The following COG5 variants were observed in gnomAD, a reference collection of about 807,000 sequenced individuals.
COG5 encodes component of oligomeric golgi complex 5, also known as conserved oligomeric Golgi complex subunit 5.
COG5 carries 86 observed loss-of-function variants against 110.4 expected under a neutral mutation model. The ratio of observed to expected loss-of-function variants is 0.78; its 90% confidence interval spans 0.65 to 0.93. The LOEUF is 0.93. Among genes scored for constraint, COG5 ranks in the 40% least tolerant of loss-of-function variants. The pLI, the probability that COG5 is intolerant of heterozygous loss-of-function variation, is 0.00. For missense variants in COG5, 1,077 were observed against 987.0 expected, an observed-to-expected ratio of 1.09 and a Z score of -1.22; for synonymous variants, 360 against 334.6, an observed-to-expected ratio of 1.08 and a Z score of -0.83.
chr7:107,474,971 G>A lies in COG5; in HGVS notation c.538+52266C>T, dbSNP rs1310445109. Reference sequence around the variant, plus strand: ...CGAGCTGTGAAACGACACCGTGAACGACGAGAAAGACAAAAGAGAGTCTTC... The same window carrying A: ...CGAGCTGTGAAACGACACCGTGAACAACGAGAAAGACAAAAGAGAGTCTTC... On this transcript the variant is annotated intron_variant, in intron 6 of 21. Coordinates refer to ENST00000297135, the MANE Select transcript of COG5 (RefSeq NM_006348.5). The surrounding 1 kb of genome is among the most constrained non-coding windows in gnomAD (Gnocchi z 5.7). 9 of 1,612,098 alleles carry A rather than the reference G, an allele frequency of 5.6e-6. No homozygotes were observed. The highest frequency in any genetic ancestry group is 6.8e-6 in the Non-Finnish European group (8 of 1,179,162).
chr7:107,352,712 A>G (rs1359873412), intron 10 of COG5, among the ~76,000 whole-genome samples: 1 of 148,460 alleles, frequency 6.7e-6, no homozygotes, highest in African/African-American at 2.5e-5. Flanking sequence ...AAAAGAAAAC[A>G]CATTATTTTT....
At chr7:107,311,243 C>T (rs921459010) in intron 11 of COG5, among the ~76,000 whole-genome samples, 1 of 152,136 alleles carries the variant, frequency 6.6e-6, no homozygotes, top group East Asian at 1.9e-4. Context: ...CTGACTTTTC[C>T]TCACGGGCTT....
intron 7 of COG5, among the ~76,000 whole-genome samples, chr7:107,384,230 GC>G (rs1389921988): frequency 1.3e-5 from 2 of 151,964 alleles, no homozygotes; most frequent in African/African-American, 4.8e-5. Flanking sequence ...CCAAAATAGC[GC>G]CCCCTGTCAG....
intron 10 of COG5, among the ~76,000 whole-genome samples, chr7:107,351,903 C>A (rs1014170560): frequency 6.7e-5 from 10 of 149,042 alleles, no homozygotes; most frequent in Non-Finnish European, 1.1e-4. Flanking sequence ...GTCAGTGTGG[C>A]GATTCCTCAG....
chr7:107,399,845 C>A (rs903855841), intron 7 of COG5, among the ~76,000 whole-genome samples: 7 of 152,064 alleles, frequency 4.6e-5, no homozygotes, highest in Admixed American at 4.6e-4. Context: ...TAAGAAAATG[C>A]ACATAAAAAG....
chr7:107,532,102 G>A (rs543310689), intron 5 of COG5, among the ~76,000 whole-genome samples: 7 of 152,096 alleles, frequency 4.6e-5, no homozygotes, highest in Non-Finnish European at 7.3e-5. Flanking sequence ...TGTCGCCCAG[G>A]CTAGAGTACA....
At chr7:107,252,167 G>A (rs182052395) in intron 16 of COG5, among the ~76,000 whole-genome samples, 3 of 152,230 alleles carry the variant, frequency 2.0e-5, no homozygotes, top group East Asian at 3.9e-4. Flanking sequence ...GCTGTAGCAC[G>A]CCATAATCGT....
chr7:107,499,592 A>G (rs1204283885), intron 6 of COG5, among the ~76,000 whole-genome samples: 1 of 151,942 alleles, frequency 6.6e-6, no homozygotes, highest in Non-Finnish European at 1.5e-5. Context: ...TTTTCAGTAG[A>G]GGTGGGGTTT....
chr7:107,517,368 G>A (rs889209766), intron 6 of COG5, among the ~76,000 whole-genome samples: 2 of 152,108 alleles, frequency 1.3e-5, no homozygotes, highest in Non-Finnish European at 2.9e-5. Context: ...ACCTATGATT[G>A]ATTGGAGTAC....
chr7:107,224,170 G>T (rs376781348), intron 19 of COG5, among the ~76,000 whole-genome samples: 1 of 152,062 alleles, frequency 6.6e-6, no homozygotes, highest in African/African-American at 2.4e-5. Flanking sequence ...ATCCACAAGC[G>T]GAAAGAAAAG....
In COG5 at chr7:107,362,378, G is replaced by A. The variant is rs2129046276; in HGVS notation, c.878C>T (p.Ala293Val). The A allele has an allele frequency of 6.2e-7, 1 of 1,613,910 alleles. No individual in the cohort carries two copies. The highest frequency in any genetic ancestry group is 8.5e-7 in the Non-Finnish European group (1 of 1,179,822). The change falls in exon 9 of 22, where the codon GCA (alanine) becomes GTA (valine). Residue 293 changes from alanine (A) to valine (V), a missense_variant. By Grantham distance (64) the Ala-to-Val change is moderately conservative. Transcript: ENST00000297135. Reference sequence around the variant, plus strand: ...GGTCCAGAATGAGGCACGCAAAGCTGCAGTATTTCCTGGGGTTGGCATGGT... The same window carrying A: ...GGTCCAGAATGAGGCACGCAAAGCTACAGTATTTCCTGGGGTTGGCATGGT... ...RSTMPTPGNTAALRASFWTNM... is the reference protein window; with the variant it reads ...RSTMPTPGNTVALRASFWTNM...
intron 3 of COG5, among the ~76,000 whole-genome samples, chr7:107,553,190 T>C (rs2129176334): frequency 6.6e-6 from 1 of 152,288 alleles, no homozygotes; most frequent in South Asian, 2.1e-4. Flanking sequence ...CTCAGCATTA[T>C]GTAATATTCT....
intron 6 of COG5, among the ~76,000 whole-genome samples, chr7:107,415,022 G>C (rs1377062341): frequency 6.6e-6 from 1 of 151,690 alleles, no homozygotes; most frequent in Non-Finnish European, 1.5e-5. Context: ...CACCATGCCC[G>C]GCCCACTGTC....
rs1296119162 is a variant in COG5 at position 107,255,615 on chromosome 7, T to C, written c.1749+1117A>G. Among the ~76,000 whole-genome samples the C allele has an allele frequency of 3.3e-5, 5 of 152,238 alleles. No individual in the cohort carries two copies. In the East Asian group the frequency reaches 5.8e-4, roughly 18 times the overall value. On this transcript the variant is annotated intron_variant, in intron 16 of 21. Coordinates refer to ENST00000297135, the MANE Select transcript of COG5 (RefSeq NM_006348.5). ...CTCCATAGGATTTACTTGTAGACTT[T>C]CATCTCAATTTTAAAACTCTCCCTT... is the stretch of plus-strand genomic sequence containing the variant.
intron 12 of COG5, among the ~76,000 whole-genome samples, chr7:107,288,903 CAGAG>C (rs1186557262): frequency 1.2e-5 from 1 of 81,304 alleles, no homozygotes; most frequent in Non-Finnish European, 2.5e-5. Context: ...TGTTTTCTAA[CAGAG>C]ATATATATAT....
intron 8 of COG5, among the ~76,000 whole-genome samples, chr7:107,367,345 TACA>T (rs1813715255): frequency 6.6e-6 from 1 of 152,106 alleles, no homozygotes; most frequent in Non-Finnish European, 1.5e-5. Context: ...AGAGGTCTGG[TACA>T]ACCTCTATGG....
intron 19 of COG5, among the ~76,000 whole-genome samples, chr7:107,218,628 T>C (rs1799685081): frequency 6.6e-6 from 1 of 152,192 alleles, no homozygotes; most frequent in African/African-American, 2.4e-5. Context: ...ATAAAGGGTG[T>C]TGGGACAACT....
intron 11 of COG5, among the ~76,000 whole-genome samples, chr7:107,318,817 C>T (rs1808992994): frequency 6.6e-6 from 1 of 152,218 alleles, no homozygotes; most frequent in African/African-American, 2.4e-5. Flanking sequence ...TCTCCAAATA[C>T]AGTTACACTG....
intron 10 of COG5, among the ~76,000 whole-genome samples, chr7:107,350,045 TC>T (rs2129040846): frequency 6.6e-6 from 1 of 152,286 alleles, no homozygotes; most frequent in East Asian, 1.9e-4. Context: ...TGAGAAAGCT[TC>T]CCTCTATATT....
Sources: gnomAD v4.1 joint callset for allele counts (sites outside exome capture counted in the v4.1 genomes callset) on GRCh38, gnomAD v4.1.1 for gene constraint, Gnocchi (gnomAD v3.1) non-coding constraint, MANE v1.5 for transcripts, NCBI Gene and HGNC (gene_info 2026-07-23, HGNC 2026-07-21) for gene names.